Variants in DLG2 observed in about 807,000 individuals in gnomAD.
DLG2 encodes disks large homolog 2.
A neutral mutation model predicts 132.5 loss-of-function variants in DLG2; 45 were observed. The ratio of observed to expected loss-of-function variants is 0.34; its 90% CI spans 0.27 to 0.44. DLG2 has a LOEUF of 0.44. DLG2 is among the 20% of genes least tolerant of loss of function. DLG2 has a pLI of 1.00. For synonymous variants in DLG2, 424 were observed against 419.6 expected, an observed-to-expected ratio of 1.01 and a Z score of -0.13; for missense variants, 1,045 against 1,196.9, an observed-to-expected ratio of 0.87 and a Z score of 1.87.
intron 3 of DLG2, among the ~76,000 whole-genome samples, chr11:85,570,921 C>T (rs1404586219): frequency 6.6e-6 from 1 of 152,034 alleles, no homozygotes; most frequent in Non-Finnish European, 1.5e-5. Flanking sequence ...GATTATTGTA[C>T]TTTTCAAACC....
chr11:84,891,198 A>G (rs1173793451), intron 6 of DLG2, among the ~76,000 whole-genome samples: 2 of 152,320 alleles, frequency 1.3e-5, no homozygotes, highest in Admixed American at 6.5e-5. Flanking sequence ...GCTACATTTT[A>G]AAAGACTACA....
At chr11:83,497,402 G>T (rs571378093) in intron 21 of DLG2, among the ~76,000 whole-genome samples, 1 of 152,080 alleles carries the variant, frequency 6.6e-6, no homozygotes, top group African/African-American at 2.4e-5. Flanking sequence ...GGGTGTGGTG[G>T]CATGTGCCTG....
chr11:85,008,399 AT>A (rs2058880070), intron 6 of DLG2, among the ~76,000 whole-genome samples: 2 of 152,222 alleles, frequency 1.3e-5, no homozygotes, highest in South Asian at 4.1e-4. Context: ...TAGTTTCTGT[AT>A]TTGTAAAATC....
At chr11:83,610,965 T>C (rs1339814601) in intron 19 of DLG2, among the ~76,000 whole-genome samples, 1 of 152,224 alleles carries the variant, frequency 6.6e-6, no homozygotes, top group Non-Finnish European at 1.5e-5. Context: ...AAGAACCTCA[T>C]CTTTTAAATG....
chr11:84,595,338 C>G (rs988527096), intron 6 of DLG2, among the ~76,000 whole-genome samples: 1 of 152,040 alleles, frequency 6.6e-6, no homozygotes, highest in Non-Finnish European at 1.5e-5. Flanking sequence ...GTCTCAAACT[C>G]TTGGGCTCAA....
At chr11:84,468,414 A>G (rs1230419558) in intron 7 of DLG2, among the ~76,000 whole-genome samples, 1 of 141,032 alleles carries the variant, frequency 7.1e-6, no homozygotes, top group East Asian at 2.1e-4. Context: ...CAGCCAAGTG[A>G]GAAACAACAG....
At chr11:85,196,358 A>G (rs2081068016) in intron 4 of DLG2, among the ~76,000 whole-genome samples, 1 of 152,216 alleles carries the variant, frequency 6.6e-6, no homozygotes, top group South Asian at 2.1e-4. Flanking sequence ...TAAATTCTCT[A>G]TAGAGATTAC....
chr11:84,850,877 T>C (rs1318323005), intron 6 of DLG2, among the ~76,000 whole-genome samples: 2 of 152,064 alleles, frequency 1.3e-5, no homozygotes, highest in South Asian at 4.1e-4. Context: ...CAAAATATCA[T>C]TGAAAAAATA....
At chr11:83,878,479 T>A (rs2065324279) in intron 15 of DLG2, among the ~76,000 whole-genome samples, 2 of 152,124 alleles carry the variant, frequency 1.3e-5, no homozygotes, top group Admixed American at 1.3e-4. Flanking sequence ...CTGTGACTGG[T>A]CTATATAGAG....
intron 7 of DLG2, among the ~76,000 whole-genome samples, chr11:84,352,225 G>A (rs1023551224): frequency 1.3e-5 from 2 of 152,162 alleles, no homozygotes; most frequent in African/African-American, 4.8e-5. Context: ...CAAACTAGAA[G>A]TCCTAAAACC....
At chr11:84,473,722 TG>T (rs2099114431) in intron 7 of DLG2, among the ~76,000 whole-genome samples, 1 of 152,036 alleles carries the variant, frequency 6.6e-6, no homozygotes, top group Non-Finnish European at 1.5e-5. Context: ...GTGATTTCCC[TG>T]TTTCCTTTAT....
At chr11:84,640,543 C>G (rs1446203839) in intron 6 of DLG2, 2 of 329,324 alleles carry the variant, frequency 6.1e-6, no homozygotes, top group Admixed American at 7.9e-5. Flanking sequence ...GAAAAAGGAA[C>G]AGTTCTGCAG....
chr11:84,468,041 A>G (rs536439667), intron 7 of DLG2, among the ~76,000 whole-genome samples: 2 of 151,698 alleles, frequency 1.3e-5, no homozygotes, highest in Non-Finnish European at 3.0e-5. Flanking sequence ...ATACAAATTA[A>G]AAACAATACC....
chr11:84,964,600 G>A (rs569997167), intron 6 of DLG2, among the ~76,000 whole-genome samples: 123 of 152,144 alleles, frequency 8.1e-4, no homozygotes, highest in South Asian at 4.8e-3. Context: ...TCCCTCTGCC[G>A]TTAATATGTC....
chr11:83,986,810 G>C (rs1450281189), intron 11 of DLG2, among the ~76,000 whole-genome samples: 3 of 152,190 alleles, frequency 2.0e-5, no homozygotes, highest in African/African-American at 7.2e-5. Context: ...CTGATGGCCA[G>C]TGATGGTGAG....
At chr11:83,679,213 G>A (rs982035038) in intron 18 of DLG2, among the ~76,000 whole-genome samples, 3 of 152,158 alleles carry the variant, frequency 2.0e-5, no homozygotes, top group African/African-American at 7.2e-5. Flanking sequence ...ATAACGGAAA[G>A]CAAAATAGGA....
Position 83,989,722 on chromosome 11 carries a change from A to T in DLG2, c.920-9080T>A, listed in dbSNP as rs1483385. ...TAATAAAGTCCCACTTTACTGATCC[A>T]AAAATTGAAGCAAAAATGCCTGGCA... On this transcript the variant is annotated intron_variant, in intron 11 of 27. Transcript: ENST00000376104. Among the ~76,000 whole-genome samples, 3 of 152,224 alleles carry T rather than the reference A, an allele frequency of 2.0e-5. No homozygotes were observed. In the East Asian group the frequency reaches 5.8e-4, roughly 29 times the overall value.
chr11:85,323,395 T>C (rs913844184), intron 3 of DLG2, among the ~76,000 whole-genome samples: 1 of 152,270 alleles, frequency 6.6e-6, no homozygotes, highest in African/African-American at 2.4e-5. Context: ...TAATTTTACA[T>C]GTTTATGGGG....
At chr11:84,556,149 T>C (rs539945462) in intron 6 of DLG2, among the ~76,000 whole-genome samples, 27 of 152,304 alleles carry the variant, frequency 1.8e-4, no homozygotes, top group Admixed American at 5.9e-4. Flanking sequence ...TTTGTAACAC[T>C]TGGTGACTAA....
Sources: allele counts gnomAD v4.1 joint callset (sites outside exome capture counted in the v4.1 genomes callset), GRCh38; gene constraint gnomAD v4.1.1; transcripts MANE v1.5; gene names NCBI Gene and HGNC (gene_info 2026-07-23, HGNC 2026-07-21).